Variants in MEF2A observed in about 807,000 individuals in gnomAD.
The protein encoded by MEF2A is myocyte-specific enhancer factor 2A.
MEF2A carries 28 observed loss-of-function variants against 55.8 expected under a neutral mutation model. That is an observed-to-expected ratio of 0.50 (90% confidence interval 0.37 to 0.69). MEF2A has a LOEUF of 0.69. Among genes scored for constraint, MEF2A ranks in the 30% least tolerant of loss-of-function variants. The pLI, the probability that MEF2A is intolerant of heterozygous loss-of-function variation, is 0.00. For missense variants in MEF2A, 528 were observed against 626.2 expected, an observed-to-expected ratio of 0.84 and a Z score of 1.67; for synonymous variants, 239 against 227.1, an observed-to-expected ratio of 1.05 and a Z score of -0.47.
At chr15:99,589,508 T>C (rs1299887128) in intron 1 of MEF2A, among the ~76,000 whole-genome samples, 1 of 152,156 alleles carries the variant, frequency 6.6e-6, no homozygotes, top group Non-Finnish European at 1.5e-5. Context: ...GTTACCATTT[T>C]CTACTTTTGT....
intron 2 of MEF2A, among the ~76,000 whole-genome samples, chr15:99,607,038 G>C (rs1975418545): frequency 6.6e-6 from 1 of 152,182 alleles, no homozygotes; most frequent in Non-Finnish European, 1.5e-5. Context: ...TTTCTCAAAT[G>C]AAGCCAGAAA....
intron 8 of MEF2A, among the ~76,000 whole-genome samples, chr15:99,698,390 G>A (rs1440048610): frequency 1.3e-5 from 2 of 152,176 alleles, no homozygotes; most frequent in Admixed American, 6.5e-5. Context: ...AAGATACATG[G>A]ATGGCAAATA....
At chr15:99,575,935 C>G (rs1396378940) in intron 1 of MEF2A, among the ~76,000 whole-genome samples, 1 of 152,198 alleles carries the variant, frequency 6.6e-6, no homozygotes, top group South Asian at 2.1e-4. Context: ...TTAGTGGAAA[C>G]TTCTTCACAT....
Position 99,712,264 on chromosome 15 carries a change from C to G in MEF2A, c.1137-126C>G, listed in dbSNP as rs1238657000. The G allele has an allele frequency of 7.0e-7, 1 of 1,421,334 alleles. No individual in the cohort carries two copies. The highest frequency in any genetic ancestry group is 9.2e-7 in the Non-Finnish European group (1 of 1,087,112). The allele number at this position is 1,421,334 out of a possible 1,614,324, so 88.0% of individuals were successfully genotyped here. ...ACTGAAGGAAACGACCCAAACCAGT[C>G]TTGGGGAACTCTGATAAGATTTCAG... On this transcript the variant is annotated intron_variant, in intron 11 of 11. Coordinates refer to ENST00000557942, the MANE Select transcript of MEF2A (RefSeq NM_001319206.4). The surrounding 1 kb of genome is among the most constrained non-coding windows in gnomAD (Gnocchi z 4.1).
rs530553047 is a variant in MEF2A at position 99,586,159 on chromosome 15, A to G, written c.-224-12271A>G. Among the ~76,000 whole-genome samples, 515 of 152,280 alleles carry G rather than the reference A, an allele frequency of 3.4e-3. 8 individuals carry two copies. Among genetic ancestry groups the G allele is most frequent in the Non-Finnish European group, 2.1e-3 (140 of 68,016 alleles). On this transcript the variant is annotated intron_variant, in intron 1 of 11. Transcript: ENST00000557942. The stretch of plus-strand genomic sequence containing the variant: ...TTTGAGTACATGCCTTTGTATGGAC[A>G]TATGCTTTCATTTTTCTTGGGTGAA...
At chr15:99,659,372 C>T (rs1251331570) in intron 4 of MEF2A, among the ~76,000 whole-genome samples, 1 of 152,010 alleles carries the variant, frequency 6.6e-6, no homozygotes, top group Non-Finnish European at 1.5e-5. Flanking sequence ...TTTAGAGAAG[C>T]CATAGCCTGA....
intron 1 of MEF2A, among the ~76,000 whole-genome samples, chr15:99,575,531 A>G (rs1441454290): frequency 6.6e-6 from 1 of 152,156 alleles, no homozygotes; most frequent in African/African-American, 2.4e-5. Context: ...CATTTTGACC[A>G]TGTTGTTGAT....
intron 8 of MEF2A, among the ~76,000 whole-genome samples, chr15:99,703,070 G>C (rs530234102): frequency 2.6e-5 from 4 of 152,194 alleles, no homozygotes; most frequent in Non-Finnish European, 5.9e-5. Flanking sequence ...TTTAAATACT[G>C]TTGCAGTAGC....
In MEF2A at chr15:99,714,991, G is replaced by T. The variant is rs1393806835; in HGVS notation, c.*2220G>T. 2 of 151,880 alleles carry T rather than the reference G, an allele frequency of 1.3e-5. No homozygotes were observed. Among genetic ancestry groups the T allele is most frequent in the African/African-American group, 4.8e-5 (2 of 41,308 alleles). 9.4% of individuals were successfully genotyped at this position (151,880 alleles called of 1,614,324 possible). The stretch of plus-strand genomic sequence containing the variant: ...GTTTGGGCAGTAACTTTTGAGAGAG[G>T]CCAAAAAAAGGAGGATGACATGCTG... On this transcript the variant is annotated 3_prime_UTR_variant, in exon 12 of 12. Coordinates refer to ENST00000557942, the MANE Select transcript of MEF2A (RefSeq NM_001319206.4).
chr15:99,581,973 G>C (rs1247533761), intron 1 of MEF2A, among the ~76,000 whole-genome samples: 3 of 152,018 alleles, frequency 2.0e-5, no homozygotes, highest in African/African-American at 7.2e-5. Flanking sequence ...CTAGATTGGA[G>C]GGTTTTTCAG....
intron 1 of MEF2A, among the ~76,000 whole-genome samples, chr15:99,586,258 G>C (rs1159657180): frequency 6.6e-6 from 1 of 152,128 alleles, no homozygotes; most frequent in African/African-American, 2.4e-5. Flanking sequence ...CTGTGCAACT[G>C]TTTTCCAAAG....
rs769148823 is a variant in MEF2A, at chr15:99,690,227, AT to A, written c.671-9del. On this transcript the variant is annotated splice_polypyrimidine_tract_variant and intron_variant, in intron 7 of 11. Transcript: ENST00000557942. ...AACTCTTCTCACTTTATTGAATGAT[AT>A]TTTTCCCCCCAGGGAATGGATTTGT... 32 of 1,610,766 alleles carry A rather than the reference AT, an allele frequency of 2.0e-5. No individual in the cohort carries two copies. The highest frequency in any genetic ancestry group is 2.5e-5 in the Non-Finnish European group (30 of 1,178,160).
At chr15:99,663,002 C>A (rs1417755039) in intron 4 of MEF2A, among the ~76,000 whole-genome samples, 1 of 152,094 alleles carries the variant, frequency 6.6e-6, no homozygotes, top group Non-Finnish European at 1.5e-5. Context: ...GTTTTAATTC[C>A]ATAGTTTCAC....
chr15:99,615,096 A>G (rs2039977578), intron 2 of MEF2A, among the ~76,000 whole-genome samples: 2 of 152,216 alleles, frequency 1.3e-5, no homozygotes, highest in Admixed American at 6.5e-5. Context: ...GGCTGTTGCA[A>G]TGCTTAGGGT....
chr15:99,667,365 T>C (rs973251458), intron 4 of MEF2A, among the ~76,000 whole-genome samples: 4 of 151,898 alleles, frequency 2.6e-5, no homozygotes, highest in East Asian at 1.9e-4. Context: ...GGACTACAGG[T>C]GCCCGCCACC....
chr15:99,637,972 G>T (rs182633483), intron 3 of MEF2A, among the ~76,000 whole-genome samples: 1 of 152,052 alleles, frequency 6.6e-6, no homozygotes, highest in Admixed American at 6.6e-5. Flanking sequence ...CATCCTGATG[G>T]GTATAAACTG....
intron 3 of MEF2A, among the ~76,000 whole-genome samples, chr15:99,641,655 G>A (rs1305481350): frequency 2.0e-5 from 3 of 152,166 alleles, no homozygotes; most frequent in Non-Finnish European, 2.9e-5. Context: ...CTCGGGAGGC[G>A]GAGCTTGCAG....
intron 4 of MEF2A, among the ~76,000 whole-genome samples, chr15:99,659,150 T>C (rs549751370): frequency 6.6e-6 from 1 of 152,270 alleles, no homozygotes; most frequent in East Asian, 1.9e-4. Context: ...TCTATCTTAG[T>C]ATTCATTTAC....
At chr15:99,587,935 C>T (rs1274911708) in intron 1 of MEF2A, among the ~76,000 whole-genome samples, 3 of 142,612 alleles carry the variant, frequency 2.1e-5, no homozygotes, top group Non-Finnish European at 3.2e-5. Flanking sequence ...TACATTATTC[C>T]ACTGCTTAGG....
Sources: gnomAD v4.1 joint callset for allele counts (sites outside exome capture counted in the v4.1 genomes callset) on GRCh38, gnomAD v4.1.1 for gene constraint, Gnocchi (gnomAD v3.1) non-coding constraint, MANE v1.5 for transcripts, NCBI Gene and HGNC (gene_info 2026-07-23, HGNC 2026-07-21) for gene names.